The following MBNL2 variants were observed in gnomAD, a reference collection of about 807,000 sequenced individuals.
The protein encoded by MBNL2 is muscleblind like splicing regulator 2, also known as muscleblind-like protein 2.
Under a neutral mutation model 41.9 loss-of-function variants are expected in MBNL2, and 17 were observed. That is an observed-to-expected ratio of 0.41 (90% CI 0.28 to 0.61). MBNL2 has a LOEUF of 0.61. Among genes scored for constraint, MBNL2 ranks in the 20% least tolerant of loss-of-function variants. The pLI is 0.35. For missense variants in MBNL2, 336 were observed against 505.6 expected, an observed-to-expected ratio of 0.66 and a Z score of 3.22; for synonymous variants, 195 against 182.9, an observed-to-expected ratio of 1.07 and a Z score of -0.53.
intron 8 of MBNL2, among the ~76,000 whole-genome samples, chr13:97,379,351 A>G (rs2153153791): frequency 6.6e-6 from 1 of 152,292 alleles, no homozygotes; most frequent in African/African-American, 2.4e-5. Context: ...GCCTGAAAAG[A>G]GTCTATCAAA....
At chr13:97,298,104 C>A (rs1292138932) in intron 2 of MBNL2, among the ~76,000 whole-genome samples, 1 of 151,954 alleles carries the variant, frequency 6.6e-6, no homozygotes, top group Non-Finnish European at 1.5e-5. Context: ...GTGCAGCACA[C>A]CAGCATGGCA....
At chr13:97,176,709 C>A in the MBNL2 span, among the ~76,000 whole-genome samples, 14,519 of 152,230 alleles carry the variant, frequency 0.095, 757 homozygotes, top group South Asian at 0.17. Flanking sequence ...TGTTTCTCTT[C>A]AGTTAGAAAT....
At chr13:97,213,793 G>A in the MBNL2 span, among the ~76,000 whole-genome samples, 3 of 152,166 alleles carry the variant, frequency 2.0e-5, no homozygotes, top group Non-Finnish European at 2.9e-5. Flanking sequence ...ATGGAGAGGG[G>A]AATAGGAGCA....
At chr13:97,359,775 A>G (rs2063263003) in intron 7 of MBNL2, among the ~76,000 whole-genome samples, 1 of 152,190 alleles carries the variant, frequency 6.6e-6, no homozygotes, top group South Asian at 2.1e-4. Context: ...CATTTCTTAC[A>G]TGACATGAAT....
At chr13:97,158,766 T>G in the MBNL2 span, among the ~76,000 whole-genome samples, 1 of 152,106 alleles carries the variant, frequency 6.6e-6, no homozygotes, top group Non-Finnish European at 1.5e-5. Flanking sequence ...AGAGATAGTT[T>G]GTTATAATTT....
At chr13:97,275,411 T>A (rs1183054027) in intron 1 of MBNL2, among the ~76,000 whole-genome samples, 1 of 152,226 alleles carries the variant, frequency 6.6e-6, no homozygotes, top group Non-Finnish European at 1.5e-5. Context: ...CTCATCTGTT[T>A]GAGTCATTCC....
At chr13:97,375,523 G>C (rs2064880779) in intron 8 of MBNL2, among the ~76,000 whole-genome samples, 1 of 152,160 alleles carries the variant, frequency 6.6e-6, no homozygotes, top group Non-Finnish European at 1.5e-5. Context: ...AAATTGAAGA[G>C]GTGGAGATGA....
At chr13:97,368,262 A>T (rs2064027538) in intron 8 of MBNL2, among the ~76,000 whole-genome samples, 1 of 152,054 alleles carries the variant, frequency 6.6e-6, no homozygotes, top group South Asian at 2.1e-4. Context: ...TATGAAAAAA[A>T]TTAGCCAGGC....
chr13:97,361,758 A>ATTTT (rs71117641), intron 7 of MBNL2, among the ~76,000 whole-genome samples: 3 of 56,318 alleles, frequency 5.3e-5, no homozygotes, highest in African/African-American at 6.9e-5. Flanking sequence ...TATAGGCGTA[A>ATTTT]TTTTTTTTTT....
At chr13:97,311,296 C>T (rs1277741588) in intron 2 of MBNL2, among the ~76,000 whole-genome samples, 3 of 152,106 alleles carry the variant, frequency 2.0e-5, no homozygotes, top group South Asian at 2.1e-4. Context: ...GGTGCGTGAT[C>T]GGCTCCATAA....
chr13:97,163,841 A>G, the MBNL2 span, among the ~76,000 whole-genome samples: 1 of 152,156 alleles, frequency 6.6e-6, no homozygotes, highest in Non-Finnish European at 1.5e-5. Context: ...ACAAACAGAC[A>G]CAGGGAGAAG....
the MBNL2 span, among the ~76,000 whole-genome samples, chr13:97,198,444 G>T: frequency 6.6e-6 from 1 of 150,820 alleles, no homozygotes; most frequent in South Asian, 2.1e-4. Flanking sequence ...TGATCATGGA[G>T]GCTGGCAAGC....
At position 97,346,867 on chromosome 13, in the gene MBNL2, C is replaced by G. The variant is rs1286071497; in HGVS notation, c.604C>G (p.Pro202Ala). 2 of 1,613,760 alleles carry G rather than the reference C, an allele frequency of 1.2e-6. No individual in the cohort carries two copies. The highest frequency in any genetic ancestry group is 1.3e-5 in the African/African-American group (1 of 74,870). Residue 202 changes from proline to alanine, a missense_variant, in exon 5 of 9, where the codon CCC (proline) becomes GCC (alanine). Coordinates refer to ENST00000679496, the MANE Select transcript of MBNL2 (RefSeq NM_001382683.1). This position sits in a 1 kb window ranked among gnomAD's most constrained non-coding sequence, Gnocchi z 4.2. ...AGAGACCGACTGCCGCTTTGCACAC[C>G]CCGCAGACAGCACCATGATCGACAC... ...RGETDCRFAH[P>A]ADSTMIDTSD...
At chr13:97,368,218 T>C (rs1158537480) in intron 8 of MBNL2, among the ~76,000 whole-genome samples, 1 of 152,090 alleles carries the variant, frequency 6.6e-6, no homozygotes, top group Non-Finnish European at 1.5e-5. Flanking sequence ...GAGACCAGCC[T>C]GAGCAACATG....
In MBNL2 at chr13:97,276,054, G is replaced by A. The variant is rs763367930; in HGVS notation, c.-182G>A. ...TTAAGTGGGACATATTGATTGATGA[G>A]TGATTGCCTGTCCATACACTCTCTC... On this transcript the variant is annotated 5_prime_UTR_variant, in exon 2 of 9. In the 5' UTR this introduces an upstream ATG that the reference lacks. Coordinates refer to ENST00000679496, the MANE Select transcript of MBNL2 (RefSeq NM_001382683.1). 14 of 534,748 alleles carry A rather than the reference G, an allele frequency of 2.6e-5. No individual in the cohort carries two copies. The highest frequency in any genetic ancestry group is 4.6e-5 in the Non-Finnish European group (14 of 301,544). 33.1% of individuals were successfully genotyped at this position (534,748 alleles called of 1,614,324 possible).
intron 2 of MBNL2, among the ~76,000 whole-genome samples, chr13:97,287,721 CTTTTTTTTTTTTTT>C (rs768809008): frequency 1.7e-5 from 2 of 114,938 alleles, no homozygotes; most frequent in African/African-American, 9.0e-5. Context: ...CTTTTCTTTT[CTTTTTTTTTTTTTT>C]TTTTTTTGAG....
At chr13:97,178,299 A>G in the MBNL2 span, among the ~76,000 whole-genome samples, 1 of 152,218 alleles carries the variant, frequency 6.6e-6, no homozygotes, top group Non-Finnish European at 1.5e-5. Context: ...ACTATCTGAG[A>G]CGAATATACA....
intron 8 of MBNL2, among the ~76,000 whole-genome samples, chr13:97,368,700 T>TTGTGTGTGTGTGTGTGTG (rs140107508): frequency 6.7e-6 from 1 of 148,270 alleles, no homozygotes; most frequent in African/African-American, 2.5e-5. Flanking sequence ...ATATTCAAGT[T>TTGTGTGTGTGTGTGTGTG]TGTGTGTGTG....
intron 5 of MBNL2, among the ~76,000 whole-genome samples, chr13:97,347,959 T>G (rs2062040244): frequency 6.6e-6 from 1 of 152,186 alleles, no homozygotes; most frequent in Admixed American, 6.5e-5. Context: ...AGACATTGCT[T>G]ATCAAACTTG....
Sources: allele counts gnomAD v4.1 joint callset (sites outside exome capture counted in the v4.1 genomes callset), GRCh38; gene constraint gnomAD v4.1.1; non-coding constraint Gnocchi (gnomAD v3.1); transcripts MANE v1.5; gene names NCBI Gene and HGNC (gene_info 2026-07-23, HGNC 2026-07-21).